PAK5: variants seen among roughly 807,000 people sequenced by gnomAD.
PAK5 encodes p21 (RAC1) activated kinase 5.
Under a neutral mutation model 65.9 loss-of-function variants are expected in PAK5, and 16 were observed. The ratio of observed to expected loss-of-function variants is 0.24; its 90% CI spans 0.16 to 0.37. The LOEUF (loss-of-function observed/expected upper bound fraction) is 0.37. Among genes scored for constraint, PAK5 ranks in the 10% least tolerant of loss-of-function variants. The pLI, the probability that PAK5 is intolerant of heterozygous loss-of-function variation, is 1.00. For synonymous variants in PAK5, 371 were observed against 354.9 expected (o/e 1.05, Z -0.51); for missense variants, 785 against 903.9 (o/e 0.87, Z 1.69).
At chr20:9,752,731 T>C (rs2048590892) in intron 1 of PAK5, among the ~76,000 whole-genome samples, 1 of 152,154 alleles carries the variant, frequency 6.6e-6, no homozygotes. Flanking sequence ...TGAGGCAGAC[T>C]GTAAAAATGA....
intron 8 of PAK5, among the ~76,000 whole-genome samples, chr20:9,543,415 A>G (rs2045297309): frequency 6.6e-6 from 1 of 152,082 alleles, no homozygotes; most frequent in South Asian, 2.1e-4. Flanking sequence ...GTTTCCTGTT[A>G]GGGCCTCATT....
At chr20:9,790,565 G>T (rs910375810) in intron 1 of PAK5, among the ~76,000 whole-genome samples, 2 of 152,104 alleles carry the variant, frequency 1.3e-5, no homozygotes, top group Non-Finnish European at 2.9e-5. Context: ...TAGTACAGTG[G>T]CATGGTCATA....
chr20:9,834,735 A>G (rs907320736), intron 1 of PAK5, among the ~76,000 whole-genome samples: 3 of 152,194 alleles, frequency 2.0e-5, no homozygotes, highest in African/African-American at 7.2e-5. Context: ...ATGGACAGGA[A>G]TTGAAGAGAC....
chr20:9,657,517 A>G (rs2047285412), intron 2 of PAK5, among the ~76,000 whole-genome samples: 1 of 152,226 alleles, frequency 6.6e-6, no homozygotes, highest in South Asian at 2.1e-4. Context: ...TTGGTTATAT[A>G]TTAAAGTGGT....
chr20:9,726,904 A>C (rs779469815), intron 1 of PAK5, among the ~76,000 whole-genome samples: 3 of 152,172 alleles, frequency 2.0e-5, no homozygotes, highest in Non-Finnish European at 4.4e-5. Flanking sequence ...GTGCTCTGGG[A>C]TATGATTAAT....
intron 3 of PAK5, among the ~76,000 whole-genome samples, chr20:9,595,573 AAG>A (rs1278449799): frequency 6.6e-6 from 1 of 152,228 alleles, no homozygotes; most frequent in African/African-American, 2.4e-5. Context: ...CACACATCAG[AAG>A]AGACTCAAAC....
At chr20:9,633,825 T>C (rs1848024092) in intron 3 of PAK5, among the ~76,000 whole-genome samples, 1 of 152,182 alleles carries the variant, frequency 6.6e-6, no homozygotes, top group Non-Finnish European at 1.5e-5. Flanking sequence ...TTTTGAACCA[T>C]GAGAAGAGGC....
At chr20:9,564,437 T>C (rs986114695) in intron 5 of PAK5, among the ~76,000 whole-genome samples, 5 of 152,088 alleles carry the variant, frequency 3.3e-5, no homozygotes, top group Admixed American at 2.6e-4. Context: ...AGTGAAGAAA[T>C]AAAAATGGCC....
intron 1 of PAK5, among the ~76,000 whole-genome samples, chr20:9,801,688 A>AT (rs1338909796): frequency 1.3e-5 from 2 of 152,046 alleles, no homozygotes; most frequent in African/African-American, 4.8e-5. Context: ...TTTCAAATTC[A>AT]TTTAATTAAA....
intron 8 of PAK5, among the ~76,000 whole-genome samples, chr20:9,543,460 AC>A (rs1568953256): frequency 6.6e-6 from 1 of 151,886 alleles, no homozygotes; most frequent in East Asian, 1.9e-4. Context: ...TGCTATTATT[AC>A]CCCTTGCAGT....
intron 1 of PAK5, among the ~76,000 whole-genome samples, chr20:9,809,860 T>C (rs1343886950): frequency 6.6e-6 from 1 of 152,170 alleles, no homozygotes; most frequent in Non-Finnish European, 1.5e-5. Context: ...GGTCAGAATT[T>C]TACTCTGAGG....
chr20:9,723,279 G>A (rs1739706827), intron 1 of PAK5, among the ~76,000 whole-genome samples: 1 of 152,128 alleles, frequency 6.6e-6, no homozygotes, highest in Non-Finnish European at 1.5e-5. Flanking sequence ...GTGAGACGTG[G>A]TTCAATTCTA....
chr20:9,825,867 A>T (rs2049477782), intron 1 of PAK5, among the ~76,000 whole-genome samples: 1 of 152,224 alleles, frequency 6.6e-6, no homozygotes, highest in Non-Finnish European at 1.5e-5. Context: ...GACACAATAT[A>T]TGAGGATAAA....
At chr20:9,749,646 T>G (rs749605075) in intron 1 of PAK5, among the ~76,000 whole-genome samples, 1 of 152,196 alleles carries the variant, frequency 6.6e-6, no homozygotes, top group African/African-American at 2.4e-5. Context: ...ATTTCCTGCC[T>G]TTTATAATAT....
rs2047839019 is a variant in PAK5 at position 9,694,317 on chromosome 20, TG to T, written c.-12+16968del. On this transcript the variant is annotated intron_variant, in intron 2 of 9. Transcript: ENST00000353224. ...CCGTGTGTGTGTTTGTGTGTGTGTG[TG>T]TTTGTGTGTGTGTGTGTGTGTGTGT... is the stretch of plus-strand genomic sequence containing the variant. Among the ~76,000 whole-genome samples the T allele has an allele frequency of 1.8e-3, 57 of 30,950 alleles. 1 individual carries two copies. The East Asian group carries it at 0.048, about 26-fold the overall frequency. 20.3% of individuals were successfully genotyped at this position (30,950 alleles called of 152,430 possible).
chr20:9,601,374 G>A (rs1394374055), intron 3 of PAK5, among the ~76,000 whole-genome samples: 1 of 152,032 alleles, frequency 6.6e-6, no homozygotes, highest in Non-Finnish European at 1.5e-5. Flanking sequence ...AAAACAGAAA[G>A]GGTTGGTTCT....
intron 1 of PAK5, among the ~76,000 whole-genome samples, chr20:9,738,185 G>A (rs978572409): frequency 6.6e-6 from 1 of 151,884 alleles, no homozygotes; most frequent in African/African-American, 2.4e-5. Flanking sequence ...AAACAATGTG[G>A]AGGAACTGGA....
At chr20:9,595,659 A>C (rs929836889) in intron 3 of PAK5, among the ~76,000 whole-genome samples, 1 of 152,216 alleles carries the variant, frequency 6.6e-6, no homozygotes, top group Admixed American at 6.5e-5. Flanking sequence ...TTTAACAAAA[A>C]CATAAAATCC....
intron 2 of PAK5, among the ~76,000 whole-genome samples, chr20:9,683,959 C>T (rs959141018): frequency 1.3e-5 from 2 of 152,204 alleles, no homozygotes; most frequent in Non-Finnish European, 2.9e-5. Context: ...TTAGCTTTCT[C>T]TTTCTCCTCA....
Sources: gnomAD v4.1 joint callset for allele counts (sites outside exome capture counted in the v4.1 genomes callset) on GRCh38, gnomAD v4.1.1 for gene constraint, MANE v1.5 for transcripts, NCBI Gene and HGNC (gene_info 2026-07-23, HGNC 2026-07-21) for gene names.